The following CTNNA3 variants were observed in gnomAD, a reference collection of about 807,000 sequenced individuals.
The protein encoded by CTNNA3 is catenin alpha-3.
Under a neutral mutation model 95.7 loss-of-function variants are expected in CTNNA3, and 76 were observed. The observed-to-expected ratio is 0.79, with a 90% CI of 0.66 to 0.96. The LOEUF (loss-of-function observed/expected upper bound fraction) is 0.96. Among genes scored for constraint, CTNNA3 ranks in the 40% least tolerant of loss-of-function variants. The pLI, the probability that CTNNA3 is intolerant of heterozygous loss-of-function variation, is 0.00. For synonymous variants in CTNNA3, 431 were observed against 374.4 expected (o/e 1.15, Z -1.74); for missense variants, 1,191 against 1,089.8 (o/e 1.09, Z -1.31).
chr10:67,252,795 C>G (rs1198354110), intron 5 of CTNNA3, among the ~76,000 whole-genome samples: 1 of 152,148 alleles, frequency 6.6e-6, no homozygotes, highest in Non-Finnish European at 1.5e-5. Flanking sequence ...TCAATGTTTT[C>G]TGGTGCAACA....
intron 11 of CTNNA3, among the ~76,000 whole-genome samples, chr10:66,508,993 A>G (rs958267480): frequency 6.6e-6 from 1 of 152,100 alleles, no homozygotes; most frequent in African/African-American, 2.4e-5. Flanking sequence ...ACTAGTTTAT[A>G]TTCCCACCAA....
At chr10:67,669,367 C>G (rs1287983156) in intron 1 of CTNNA3, among the ~76,000 whole-genome samples, 15 of 152,118 alleles carry the variant, frequency 9.9e-5, no homozygotes, top group Admixed American at 9.8e-4. Context: ...CCATGTTACA[C>G]TCTAATCCAT....
Position 65,914,468 on chromosome 10 carries a change from T to C in CTNNA3, c.*5862A>G, listed in dbSNP as rs970790634. 1.3e-5 allele frequency: 2 copies of C among 152,122 alleles called. No individual in the cohort carries two copies. Among genetic ancestry groups the C allele is most frequent in the Non-Finnish European group, 2.9e-5 (2 of 68,006 alleles). 9.4% of individuals were successfully genotyped at this position (152,122 alleles called of 1,614,324 possible). ...GACTCTAAAAAAGGCCATGTAATTT[T>C]AAAACACAAAGTTTACCTGTATTCA... is the stretch of plus-strand genomic sequence containing the variant. On this transcript the variant is annotated 3_prime_UTR_variant, in exon 18 of 18. Transcript: ENST00000433211.
intron 7 of CTNNA3, among the ~76,000 whole-genome samples, chr10:67,124,340 G>A (rs1859608733): frequency 7.1e-6 from 1 of 140,670 alleles, no homozygotes; most frequent in Admixed American, 7.3e-5. Flanking sequence ...AGCGGTGTGT[G>A]TGTGTGTGTG....
chr10:66,744,006 AAGGAGGAAG>A (rs1310067365), intron 9 of CTNNA3, among the ~76,000 whole-genome samples: 57 of 149,560 alleles, frequency 3.8e-4, no homozygotes, highest in African/African-American at 1.2e-3. Context: ...AAAAGGAAAG[AAGGAGGAAG>A]AGGAGGAAAA....
chr10:66,203,221 A>G (rs2087546089), intron 13 of CTNNA3, among the ~76,000 whole-genome samples: 1 of 152,212 alleles, frequency 6.6e-6, no homozygotes, highest in Admixed American at 6.5e-5. Flanking sequence ...AGGGGAAATC[A>G]TTAATGACGT....
chr10:66,674,958 T>C lies in CTNNA3; in HGVS notation c.1282-53174A>G, dbSNP rs143607821. Among the ~76,000 whole-genome samples the C allele has an allele frequency of 1.9e-3, 296 of 152,190 alleles. 4 individuals are homozygous for C. The highest frequency in any genetic ancestry group is 6.2e-3 in the African/African-American group (259 of 41,556). Reference sequence around the variant, plus strand: ...GCTCCAACTGCATTTAGAATGCCGATGACACCAAGTGGAAGAAGCACCAGG... The same window carrying C: ...GCTCCAACTGCATTTAGAATGCCGACGACACCAAGTGGAAGAAGCACCAGG... On this transcript the variant is annotated intron_variant, in intron 9 of 17. Transcript: ENST00000433211.
chr10:67,365,005 T>C (rs1460993524), intron 5 of CTNNA3, among the ~76,000 whole-genome samples: 2 of 152,186 alleles, frequency 1.3e-5, no homozygotes, highest in Non-Finnish European at 2.9e-5. Flanking sequence ...CAAAACAGCA[T>C]GGTACTGGTA....
At chr10:66,544,941 T>C (rs527296147) in intron 10 of CTNNA3, among the ~76,000 whole-genome samples, 1 of 152,260 alleles carries the variant, frequency 6.6e-6, no homozygotes, top group East Asian at 1.9e-4. Flanking sequence ...TAACAAACCA[T>C]TATCTTCTAG....
At chr10:67,170,978 A>T (rs1024816881) in intron 7 of CTNNA3, among the ~76,000 whole-genome samples, 1 of 152,204 alleles carries the variant, frequency 6.6e-6, no homozygotes, top group African/African-American at 2.4e-5. Flanking sequence ...GTTTATATTG[A>T]TTGCATATTG....
chr10:67,312,414 C>T (rs1840852078), intron 5 of CTNNA3, among the ~76,000 whole-genome samples: 1 of 152,106 alleles, frequency 6.6e-6, no homozygotes, highest in Non-Finnish European at 1.5e-5. Context: ...TGTATCTTGG[C>T]TTTCAGTGGA....
At chr10:66,107,355 T>G (rs1322904787) in intron 13 of CTNNA3, among the ~76,000 whole-genome samples, 2 of 152,200 alleles carry the variant, frequency 1.3e-5, no homozygotes, top group Non-Finnish European at 2.9e-5. Flanking sequence ...GCACAAATAC[T>G]ACCTAATTTT....
intron 5 of CTNNA3, among the ~76,000 whole-genome samples, chr10:67,331,986 C>T (rs1168863133): frequency 2.0e-5 from 3 of 151,958 alleles, no homozygotes; most frequent in African/African-American, 4.8e-5. Context: ...AACTGGGATT[C>T]CACAAACATT....
intron 7 of CTNNA3, among the ~76,000 whole-genome samples, chr10:67,091,764 A>G (rs1377855068): frequency 1.3e-5 from 2 of 152,034 alleles, no homozygotes; most frequent in African/African-American, 4.8e-5. Context: ...TTGGAACAAG[A>G]GACAGGGAGT....
chr10:65,932,211 G>A (rs2077265564), intron 17 of CTNNA3, among the ~76,000 whole-genome samples: 2 of 152,148 alleles, frequency 1.3e-5, no homozygotes, highest in African/African-American at 2.4e-5. Context: ...ACCTTATAGG[G>A]TTGTCAGAAG....
intron 10 of CTNNA3, among the ~76,000 whole-genome samples, chr10:66,545,846 G>C (rs1842019110): frequency 6.6e-6 from 1 of 151,620 alleles, no homozygotes; most frequent in South Asian, 2.1e-4. Flanking sequence ...TAAGTCACTT[G>C]CCCATTCCCA....
chr10:66,299,177 C>G (rs1456774531), intron 12 of CTNNA3, among the ~76,000 whole-genome samples: 2 of 152,084 alleles, frequency 1.3e-5, no homozygotes, highest in Non-Finnish European at 2.9e-5. Flanking sequence ...TGTCTCGTAT[C>G]TCACTAAAAT....
At chr10:66,022,586 G>A (rs903331099) in intron 15 of CTNNA3, among the ~76,000 whole-genome samples, 1 of 150,190 alleles carries the variant, frequency 6.7e-6, no homozygotes, top group African/African-American at 2.5e-5. Context: ...ATGACACCCA[G>A]GATATGCACA....
At chr10:67,412,049 T>A (rs1305977851) in intron 5 of CTNNA3, among the ~76,000 whole-genome samples, 1 of 152,140 alleles carries the variant, frequency 6.6e-6, no homozygotes, top group East Asian at 1.9e-4. Context: ...GTCAATGTTC[T>A]TTAGAATATA....
Sources: allele counts gnomAD v4.1 joint callset (sites outside exome capture counted in the v4.1 genomes callset), GRCh38; gene constraint gnomAD v4.1.1; transcripts MANE v1.5; gene names NCBI Gene and HGNC (gene_info 2026-07-23, HGNC 2026-07-21).